Variants in EFNA5 observed in about 807,000 individuals in gnomAD.
EFNA5 encodes the protein ephrin-A5.
EFNA5 carries 5 observed loss-of-function variants against 22.9 expected under a neutral mutation model. That is an observed-to-expected ratio of 0.22 (90% confidence interval 0.11 to 0.46). The LOEUF (loss-of-function observed/expected upper bound fraction) is 0.46. Among genes scored for constraint, EFNA5 ranks in the 20% least tolerant of loss-of-function variants. The probability of loss-of-function intolerance (pLI) is 0.99; values close to 1 mark genes in which losing one functional copy is unlikely to be tolerated. For missense variants in EFNA5, 237 were observed against 293.3 expected, an observed-to-expected ratio of 0.81 and a Z score of 1.40; for synonymous variants, 113 against 112.2, an observed-to-expected ratio of 1.01 and a Z score of -0.04.
chr5:107,568,148 C>T (rs1474708675), intron 1 of EFNA5, among the ~76,000 whole-genome samples: 1 of 152,152 alleles, frequency 6.6e-6, no homozygotes, highest in Non-Finnish European at 1.5e-5. Context: ...CCTCCCACCT[C>T]AGCCTCCAAA....
At chr5:107,465,481 C>G (rs1749949121) in intron 1 of EFNA5, among the ~76,000 whole-genome samples, 1 of 152,096 alleles carries the variant, frequency 6.6e-6, no homozygotes, top group African/African-American at 2.4e-5. Context: ...CCAAAGACGC[C>G]ACGTAAATGT....
chr5:107,651,673 A>AC (rs1750733501), intron 1 of EFNA5, among the ~76,000 whole-genome samples: 1 of 150,962 alleles, frequency 6.6e-6, no homozygotes, highest in African/African-American at 2.4e-5. Context: ...TTTTTGGCAA[A>AC]AAAAAAAAAA....
At position 107,451,921 on chromosome 5, in the gene EFNA5, A is replaced by G. The variant is rs1749569251; in HGVS notation, c.126-24412T>C. On this transcript the variant is annotated intron_variant, in intron 1 of 4. Transcript: ENST00000333274. ...ATCATTCTACTATAAAGACACATGTACACGTATGTTTATTGTAGTACTATT... is the reference window on the plus strand; with the variant it reads ...ATCATTCTACTATAAAGACACATGTGCACGTATGTTTATTGTAGTACTATT... Among the ~76,000 whole-genome samples, 3 of 152,210 alleles carry G rather than the reference A, an allele frequency of 2.0e-5. 1 individual carries two copies. The South Asian group carries it at 6.2e-4, about 31-fold the overall frequency.
intron 1 of EFNA5, among the ~76,000 whole-genome samples, chr5:107,458,794 T>C (rs560790496): frequency 3.3e-5 from 5 of 152,284 alleles, no homozygotes; most frequent in Admixed American, 6.5e-5. Context: ...TTTTAAGAAG[T>C]ATTTTCTTAT....
chr5:107,437,106 C>A (rs927569984), intron 1 of EFNA5, among the ~76,000 whole-genome samples: 5 of 152,118 alleles, frequency 3.3e-5, no homozygotes, highest in African/African-American at 1.2e-4. Flanking sequence ...ATTTAGCCCA[C>A]ACTTTTAAAA....
chr5:107,669,729 C>CTCCCA (rs915726953), intron 1 of EFNA5, among the ~76,000 whole-genome samples: 2 of 152,120 alleles, frequency 1.3e-5, no homozygotes, highest in African/African-American at 4.8e-5. Flanking sequence ...GGGCGAAGGG[C>CTCCCA]TCCCACCTCC....
chr5:107,421,126 G>T (rs1354779080), intron 2 of EFNA5, among the ~76,000 whole-genome samples: 1 of 152,106 alleles, frequency 6.6e-6, no homozygotes, highest in African/African-American at 2.4e-5. Flanking sequence ...TAGGAACTTA[G>T]GTTACTTTGT....
chr5:107,404,161 G>C (rs1561371609), intron 2 of EFNA5, among the ~76,000 whole-genome samples: 1 of 152,200 alleles, frequency 6.6e-6, no homozygotes, highest in African/African-American at 2.4e-5. Context: ...CATGGTTCAA[G>C]CTCGAAATGA....
At chr5:107,633,612 G>T (rs1430579731) in intron 1 of EFNA5, among the ~76,000 whole-genome samples, 1 of 152,202 alleles carries the variant, frequency 6.6e-6, no homozygotes, top group Non-Finnish European at 1.5e-5. Context: ...CGATTATGAT[G>T]ATAAATAATT....
intron 1 of EFNA5, among the ~76,000 whole-genome samples, chr5:107,601,361 A>G (rs1464931743): frequency 6.6e-6 from 1 of 152,200 alleles, no homozygotes; most frequent in African/African-American, 2.4e-5. Context: ...GCAGAGCGTT[A>G]GGGAAGCACA....
chr5:107,570,528 G>A (rs1367650411), intron 1 of EFNA5, among the ~76,000 whole-genome samples: 4 of 152,108 alleles, frequency 2.6e-5, no homozygotes, highest in Non-Finnish European at 5.9e-5. Context: ...TTACTTGCAT[G>A]TGAGCAATTA....
At chr5:107,564,188 C>T (rs975452581) in intron 1 of EFNA5, among the ~76,000 whole-genome samples, 1 of 152,190 alleles carries the variant, frequency 6.6e-6, no homozygotes, top group African/African-American at 2.4e-5. Context: ...GGTCTATTTA[C>T]CCAAGTGTCC....
chr5:107,597,776 AG>A lies in EFNA5; in HGVS notation c.125+72712del, dbSNP rs1446561165. 2.0e-5 allele frequency among the ~76,000 whole-genome samples: 3 copies of A among 152,156 alleles called. No individual in the cohort carries two copies. The South Asian group carries it at 6.2e-4, about 31-fold the overall frequency. ...GAACCAGAGATTTTCAACATGATAA[AG>A]GGGAAACGATATATATTCAATTTTT... On this transcript the variant is annotated intron_variant, in intron 1 of 4. Coordinates refer to ENST00000333274, the MANE Select transcript of EFNA5 (RefSeq NM_001962.3).
chr5:107,634,588 C>T (rs1484683300), intron 1 of EFNA5, among the ~76,000 whole-genome samples: 1 of 146,092 alleles, frequency 6.8e-6, no homozygotes, highest in Non-Finnish European at 1.5e-5. Flanking sequence ...CAGGTACCCT[C>T]CTACCAACGC....
intron 1 of EFNA5, among the ~76,000 whole-genome samples, chr5:107,576,321 A>G (rs527783748): frequency 6.6e-6 from 1 of 152,338 alleles, no homozygotes; most frequent in East Asian, 1.9e-4. Flanking sequence ...AAACGGCTTA[A>G]GGAAATGAGC....
At chr5:107,433,993 A>G (rs1347152743) in intron 1 of EFNA5, among the ~76,000 whole-genome samples, 1 of 152,214 alleles carries the variant, frequency 6.6e-6, no homozygotes, top group African/African-American at 2.4e-5. Flanking sequence ...AATAAAGACA[A>G]GAGAAGTGAG....
intron 1 of EFNA5, among the ~76,000 whole-genome samples, chr5:107,649,231 C>T (rs2112551237): frequency 6.6e-6 from 1 of 152,164 alleles, no homozygotes; most frequent in East Asian, 1.9e-4. Flanking sequence ...AGGTAAACAT[C>T]TAGTTGGTAG....
intron 1 of EFNA5, among the ~76,000 whole-genome samples, chr5:107,427,861 T>A (rs1280997004): frequency 6.6e-6 from 1 of 152,296 alleles, no homozygotes; most frequent in South Asian, 2.1e-4. Context: ...AAAAATCATA[T>A]ATTAAAACAA....
chr5:107,380,725 G>T lies in EFNA5; in HGVS notation c.*530C>A, dbSNP rs537882004. The T allele has an allele frequency of 1.0e-5, 4 of 398,510 alleles. No homozygotes were observed. Among genetic ancestry groups the T allele is most frequent in the African/African-American group, 8.2e-5 (4 of 48,602 alleles). 24.7% of individuals were successfully genotyped at this position (398,510 alleles called of 1,614,324 possible). ...CTCCTATAGGAAATGGTGTAATATC[G>T]TATCTATTCTTAATACCTCCCCTCC... On this transcript the variant is annotated 3_prime_UTR_variant, in exon 5 of 5. Coordinates refer to ENST00000333274, the MANE Select transcript of EFNA5 (RefSeq NM_001962.3).
Sources: gnomAD v4.1 joint callset for allele counts (sites outside exome capture counted in the v4.1 genomes callset) on GRCh38, gnomAD v4.1.1 for gene constraint, MANE v1.5 for transcripts, NCBI Gene and HGNC (gene_info 2026-07-23, HGNC 2026-07-21) for gene names.